Variants in RELN observed in about 807,000 individuals in gnomAD.
The protein encoded by RELN is reelin.
In RELN, 108 loss-of-function variants were observed where a neutral mutation model predicts 427.6. The observed-to-expected ratio is 0.25, with a 90% CI of 0.22 to 0.30. The LOEUF (loss-of-function observed/expected upper bound fraction) is 0.30, where lower values mean the gene tolerates loss of function less well. RELN is among the 10% of genes least tolerant of loss of function. The pLI, the probability that RELN is intolerant of heterozygous loss-of-function variation, is 1.00. For missense variants in RELN, 3,715 were observed against 4,302.8 expected, an observed-to-expected ratio of 0.86 and a Z score of 3.82; for synonymous variants, 1,524 against 1,513.4, an observed-to-expected ratio of 1.01 and a Z score of -0.16.
intron 2 of RELN, among the ~76,000 whole-genome samples, chr7:103,852,590 C>G (rs1165597060): frequency 1.3e-5 from 2 of 152,106 alleles, no homozygotes; most frequent in African/African-American, 4.8e-5. Context: ...CCCTAAATTT[C>G]TATCTATGTC....
chr7:103,513,607 T>C (rs960158080), intron 50 of RELN: 2 of 152,086 alleles, frequency 1.3e-5, no homozygotes, highest in Non-Finnish European at 2.9e-5. Flanking sequence ...TAAACGAGGG[T>C]GTTTCAAAGT....
At chr7:103,787,716 C>T (rs1792054051) in intron 3 of RELN, among the ~76,000 whole-genome samples, 1 of 152,138 alleles carries the variant, frequency 6.6e-6, no homozygotes, top group Non-Finnish European at 1.5e-5. Flanking sequence ...AAAAGAAGTC[C>T]AAGACCAGAT....
intron 3 of RELN, among the ~76,000 whole-genome samples, chr7:103,777,888 C>CACACACACACACACAT (rs1791785213): frequency 6.7e-6 from 1 of 149,962 alleles, no homozygotes; most frequent in Admixed American, 6.6e-5. Context: ...TACCTTCACA[C>CACACACACACACACAT]ACACACACAC....
intron 6 of RELN, among the ~76,000 whole-genome samples, chr7:103,742,001 C>T (rs1208649173): frequency 2.0e-5 from 3 of 152,180 alleles, no homozygotes; most frequent in Non-Finnish European, 2.9e-5. Flanking sequence ...AGGAGCCTAA[C>T]TGGGAGGCAC....
chr7:103,603,031 G>C lies in RELN; in HGVS notation c.3333+273C>G, dbSNP rs1305530880. On this transcript the variant is annotated intron_variant, in intron 24 of 64. Transcript: ENST00000428762. The surrounding 1 kb of genome is among the most constrained non-coding windows in gnomAD (Gnocchi z 4.3). ...TCAATACACAAGCCTGGCTGGAAAT[G>C]AAGGAAAGGAAAGTAATGGTATTTA... Among the ~76,000 whole-genome samples the C allele has an allele frequency of 6.6e-6, 1 of 152,126 alleles. No individual in the cohort carries two copies. Among genetic ancestry groups the C allele is most frequent in the East Asian group, 1.9e-4 (1 of 5,180 alleles).
At chr7:103,696,920 C>T (rs1008399560) in intron 10 of RELN, among the ~76,000 whole-genome samples, 14 of 152,294 alleles carry the variant, frequency 9.2e-5, no homozygotes, top group African/African-American at 3.4e-4. Context: ...AAGGTCTTGT[C>T]ACTGGCCATA....
At chr7:103,752,021 C>G (rs976134683) in intron 5 of RELN, among the ~76,000 whole-genome samples, 6 of 152,152 alleles carry the variant, frequency 3.9e-5, no homozygotes, top group Non-Finnish European at 5.9e-5. Context: ...CACTTGTTTT[C>G]TAGAGACTTT....
At chr7:103,738,666 T>TCCTTC (rs1349687098) in intron 6 of RELN, among the ~76,000 whole-genome samples, 1 of 143,218 alleles carries the variant, frequency 7.0e-6, no homozygotes, top group Non-Finnish European at 1.5e-5. Flanking sequence ...TTTCCTTCCT[T>TCCTTC]CCTTCCTTTT....
At chr7:103,481,613 T>G (rs947490554) in intron 63 of RELN, among the ~76,000 whole-genome samples, 3 of 152,190 alleles carry the variant, frequency 2.0e-5, no homozygotes, top group Non-Finnish European at 4.4e-5. Flanking sequence ...CTTCAAAAGC[T>G]TCCCAAATGA....
chr7:103,592,231 C>G (rs528579888), intron 27 of RELN, among the ~76,000 whole-genome samples: 67 of 151,422 alleles, frequency 4.4e-4, no homozygotes, highest in Non-Finnish European at 8.1e-4. Flanking sequence ...TGCTGTTCCC[C>G]TACGTGTCCA....
chr7:103,922,913 G>A (rs980202910), intron 1 of RELN, among the ~76,000 whole-genome samples: 31 of 151,748 alleles, frequency 2.0e-4, no homozygotes, highest in African/African-American at 6.8e-4. Flanking sequence ...AGTAATACTC[G>A]AAATGATGTT....
At chr7:103,599,585 T>C (rs757077402) in intron 24 of RELN, among the ~76,000 whole-genome samples, 7 of 152,154 alleles carry the variant, frequency 4.6e-5, no homozygotes, top group African/African-American at 7.2e-5. Flanking sequence ...AATTTAAATA[T>C]GATCTTTATA....
chr7:103,486,162 T>C, intron 61 of RELN, 35 bp downstream of exon 61: 2 of 1,592,376 alleles, frequency 1.3e-6, no homozygotes, highest in Non-Finnish European at 1.7e-6. Context: ...TGTGACTAAT[T>C]CTATGTCTGG....
chr7:103,683,376 GTAATTAT>G (rs1214201155), intron 10 of RELN, among the ~76,000 whole-genome samples: 1 of 152,084 alleles, frequency 6.6e-6, no homozygotes, highest in Admixed American at 6.6e-5. Flanking sequence ...GCCCTTTAAG[GTAATTAT>G]ATTTTTAAAA....
chr7:103,946,760 T>G (rs1317548226), intron 1 of RELN, among the ~76,000 whole-genome samples: 1 of 152,230 alleles, frequency 6.6e-6, no homozygotes, highest in African/African-American at 2.4e-5. Flanking sequence ...TTGTAATGCA[T>G]TAAGCTTTTG....
chr7:103,891,004 T>A (rs1212168552), intron 2 of RELN, among the ~76,000 whole-genome samples: 1 of 152,000 alleles, frequency 6.6e-6, no homozygotes, highest in Non-Finnish European at 1.5e-5. Context: ...ATCGCTTGAA[T>A]CTGGGAGGCA....
intron 10 of RELN, among the ~76,000 whole-genome samples, chr7:103,683,750 C>T (rs555816451): frequency 6.6e-6 from 1 of 152,080 alleles, no homozygotes; most frequent in African/African-American, 2.4e-5. Context: ...AAATTCTCTT[C>T]TTTAGAGTCT....
chr7:103,791,621 G>A (rs1255757127), intron 3 of RELN, among the ~76,000 whole-genome samples: 1 of 152,036 alleles, frequency 6.6e-6, no homozygotes, highest in East Asian at 1.9e-4. Context: ...AACTAAAACT[G>A]TAAAACTCTT....
At chr7:103,918,934 G>A (rs1239559764) in intron 1 of RELN, among the ~76,000 whole-genome samples, 1 of 152,042 alleles carries the variant, frequency 6.6e-6, no homozygotes, top group Non-Finnish European at 1.5e-5. Flanking sequence ...GATGCTGTAT[G>A]CTTACACGAA....
Sources: allele counts gnomAD v4.1 joint callset (sites outside exome capture counted in the v4.1 genomes callset), GRCh38; gene constraint gnomAD v4.1.1; non-coding constraint Gnocchi (gnomAD v3.1); transcripts MANE v1.5; gene names NCBI Gene and HGNC (gene_info 2026-07-23, HGNC 2026-07-21).